GLIS3: variants seen among roughly 807,000 people sequenced by gnomAD.
The protein encoded by GLIS3 is zinc finger protein GLIS3.
In GLIS3, 53 loss-of-function variants were observed where a neutral mutation model predicts 78.6. That is an observed-to-expected ratio of 0.67 (90% CI 0.54 to 0.85). The LOEUF (loss-of-function observed/expected upper bound fraction) is 0.85, where lower values mean the gene tolerates loss of function less well. Among genes scored for constraint, GLIS3 ranks in the 40% least tolerant of loss-of-function variants. GLIS3 has a pLI of 0.00. For missense variants in GLIS3, 1,703 were observed against 1,231.1 expected (o/e 1.38, Z -5.74); for synonymous variants, 684 against 509.9 (o/e 1.34, Z -4.60).
In GLIS3 at chr9:3,898,777, G is replaced by A; in HGVS notation, c.2042C>T (p.Ser681Phe). The A allele has an allele frequency of 1.9e-6, 3 of 1,614,208 alleles. No individual in the cohort carries two copies. Among genetic ancestry groups the A allele is most frequent in the South Asian group, 2.2e-5 (2 of 91,082 alleles). The change falls in exon 7 of 11, where the codon TCC becomes TTC. Residue 681 changes from serine (S) to phenylalanine (F), a missense_variant. Ser to Phe is a radical substitution (Grantham distance 155, BLOSUM62 -2). Transcript: ENST00000381971. ...DLLTDCLTVQ[S>F]LQPATSPRDA... ...TCTAGGGGAAGTGGCCGGCTGCAGGGACTGCACGGTGAGGCAATCTGTGAG... is the reference window on the plus strand; with the variant it reads ...TCTAGGGGAAGTGGCCGGCTGCAGGAACTGCACGGTGAGGCAATCTGTGAG...
chr9:4,162,111 T>G (rs993156684), intron 2 of GLIS3, among the ~76,000 whole-genome samples: 2 of 152,076 alleles, frequency 1.3e-5, no homozygotes, highest in African/African-American at 4.8e-5. Context: ...CATCCCTCAG[T>G]TTATAGATAT....
At chr9:4,133,824 C>CTA (rs1833157060) in intron 2 of GLIS3, among the ~76,000 whole-genome samples, 3 of 108,790 alleles carry the variant, frequency 2.8e-5, no homozygotes, top group Non-Finnish European at 4.2e-5. Context: ...CCAAGACCTT[C>CTA]TACACACACA....
chr9:4,070,226 C>G (rs1827471836), intron 4 of GLIS3, among the ~76,000 whole-genome samples: 2 of 152,126 alleles, frequency 1.3e-5, no homozygotes. Context: ...CCCTCCTTAT[C>G]AGAAGTTCCA....
Position 3,938,127 on chromosome 9 carries a change from T to C in GLIS3, c.1711-938A>G, listed in dbSNP as rs559236090. 2.6e-5 allele frequency among the ~76,000 whole-genome samples: 4 copies of C among 152,328 alleles called. No individual in the cohort carries two copies. In the South Asian group the frequency reaches 6.2e-4, roughly 24 times the overall value. ...CTAGAAATGAAGCATAAAGGTGAGA[T>C]GGGGATTTATCTTTTAACTCTCTCT... On this transcript the variant is annotated intron_variant, in intron 4 of 10. Transcript: ENST00000381971.
At chr9:4,035,674 AC>A (rs536790368) in intron 4 of GLIS3, among the ~76,000 whole-genome samples, 28 of 152,212 alleles carry the variant, frequency 1.8e-4, no homozygotes, top group African/African-American at 6.5e-4. Flanking sequence ...TTCCCAAAGC[AC>A]GGGTCAGGGA....
At chr9:3,956,551 C>T (rs2130863937) in intron 4 of GLIS3, among the ~76,000 whole-genome samples, 1 of 152,294 alleles carries the variant, frequency 6.6e-6, no homozygotes, top group Admixed American at 6.5e-5. Context: ...GATTCTCAGC[C>T]CATTCTTAAG....
the GLIS3 span, among the ~76,000 whole-genome samples, chr9:4,389,316 T>C: frequency 3.9e-5 from 6 of 152,342 alleles, no homozygotes; most frequent in South Asian, 4.1e-4. Context: ...TGCTAATTCA[T>C]GAATATCTCT....
At chr9:4,224,839 T>C (rs1490002106) in intron 2 of GLIS3, among the ~76,000 whole-genome samples, 2 of 152,084 alleles carry the variant, frequency 1.3e-5, no homozygotes, top group Admixed American at 1.3e-4. Flanking sequence ...ATCATTCTTT[T>C]AGTGACTTGC....
the GLIS3 span, among the ~76,000 whole-genome samples, chr9:4,428,704 G>C: frequency 2.9e-3 from 448 of 152,074 alleles, 3 homozygotes; most frequent in African/African-American, 0.011. Flanking sequence ...ATAGTATATA[G>C]GGTCATTCAA....
intron 4 of GLIS3, among the ~76,000 whole-genome samples, chr9:4,008,682 T>C (rs1031090074): frequency 6.6e-6 from 1 of 152,116 alleles, no homozygotes; most frequent in Non-Finnish European, 1.5e-5. Flanking sequence ...ATGTGCTTGC[T>C]TATGTGAATT....
At chr9:4,054,620 T>A in intron 4 of GLIS3, 1 of 317,944 alleles carries the variant, frequency 3.1e-6, no homozygotes, top group Non-Finnish European at 4.5e-6. Flanking sequence ...GATCTAATTG[T>A]CATTCTTCCT....
rs576525846 is a variant in GLIS3 at position 3,986,226 on chromosome 9, C to A, written c.1711-49037G>T. Among the ~76,000 whole-genome samples, 20 of 152,306 alleles carry A rather than the reference C, an allele frequency of 1.3e-4. No individual in the cohort carries two copies. In the East Asian group the frequency reaches 3.5e-3, roughly 26 times the overall value. On this transcript the variant is annotated intron_variant, in intron 4 of 10. Transcript: ENST00000381971. ...CCCTCTGTCTTCTGCTAATACCTCT[C>A]GTGAGCAGAGAAGATGTAAATGTGT...
intron 2 of GLIS3, among the ~76,000 whole-genome samples, chr9:4,312,653 C>T (rs367842181): frequency 2.0e-5 from 3 of 152,242 alleles, no homozygotes; most frequent in African/African-American, 7.2e-5. Context: ...CTTCACCTGA[C>T]TATGCTGTTA....
intron 6 of GLIS3, among the ~76,000 whole-genome samples, chr9:3,907,470 G>T (rs923969824): frequency 1.3e-5 from 2 of 152,102 alleles, no homozygotes; most frequent in African/African-American, 4.8e-5. Flanking sequence ...AAATGTGGCA[G>T]AAACTACTGA....
upstream of GLIS3, among the ~76,000 whole-genome samples, chr9:4,303,254 G>A (rs970036576): frequency 1.1e-5 from 1 of 92,924 alleles, no homozygotes; most frequent in Non-Finnish European, 2.1e-5. Flanking sequence ...AGTATGCCTA[G>A]CTATTAAAAC....
chr9:3,908,700 G>GTTT (rs1823889387), intron 6 of GLIS3, among the ~76,000 whole-genome samples: 2 of 49,310 alleles, frequency 4.1e-5, no homozygotes, highest in Non-Finnish European at 7.3e-5. Flanking sequence ...ATTGTGATTT[G>GTTT]TATTTGTTTT....
the GLIS3 span, among the ~76,000 whole-genome samples, chr9:4,407,462 T>G: frequency 2.2e-4 from 34 of 152,018 alleles, no homozygotes; most frequent in African/African-American, 4.3e-4. Context: ...TGGCTAACAC[T>G]GTGAAACCCC....
chr9:4,037,547 A>AACACACACACACACACACAC lies in GLIS3; in HGVS notation c.1710+80201_1710+80220dup, dbSNP rs56254712. Among the ~76,000 whole-genome samples the AACACACACACACACACACAC allele has an allele frequency of 3.5e-3, 516 of 147,466 alleles. 4 individuals are homozygous for AACACACACACACACACACAC. Among genetic ancestry groups the AACACACACACACACACACAC allele is most frequent in the African/African-American group, 0.013 (498 of 39,502 alleles). ...GCAGTGGGCAGATGTGTGTGCACAC[A>AACACACACACACACACACAC]ACACACACACACACACACACACACA... On this transcript the variant is annotated intron_variant, in intron 4 of 10. Transcript: ENST00000381971.
At chr9:4,107,840 C>G (rs1830889381) in intron 4 of GLIS3, among the ~76,000 whole-genome samples, 1 of 151,648 alleles carries the variant, frequency 6.6e-6, no homozygotes, top group African/African-American at 2.4e-5. Flanking sequence ...CACTCAAAAC[C>G]ATTTTATTTC....
Sources: allele counts gnomAD v4.1 joint callset (sites outside exome capture counted in the v4.1 genomes callset), GRCh38; gene constraint gnomAD v4.1.1; transcripts MANE v1.5; gene names NCBI Gene and HGNC (gene_info 2026-07-23, HGNC 2026-07-21).